The following PTPRG variants were observed in gnomAD, a reference collection of about 807,000 sequenced individuals.
PTPRG encodes the protein protein tyrosine phosphatase receptor type G.
PTPRG carries 102 observed loss-of-function variants against 165.3 expected under a neutral mutation model. The observed-to-expected ratio is 0.62, with a 90% confidence interval of 0.53 to 0.73. PTPRG has a LOEUF of 0.73. Ranked by LOEUF, PTPRG falls within the 30% of genes least tolerant of loss-of-function variation. The pLI, the probability that PTPRG is intolerant of heterozygous loss-of-function variation, is 0.00. For synonymous variants in PTPRG, 675 were observed against 669.5 expected, an observed-to-expected ratio of 1.01 and a Z score of -0.13; for missense variants, 1,866 against 1,861.4, an observed-to-expected ratio of 1.00 and a Z score of -0.05.
chr3:62,246,068 C>G (rs1200551638), intron 15 of PTPRG, among the ~76,000 whole-genome samples: 2 of 152,026 alleles, frequency 1.3e-5, no homozygotes, highest in Non-Finnish European at 2.9e-5. Flanking sequence ...GTCTTTTTCC[C>G]TTTTAAATAT....
At chr3:62,160,457 C>T (rs935553654) in intron 7 of PTPRG, among the ~76,000 whole-genome samples, 1 of 152,258 alleles carries the variant, frequency 6.6e-6, no homozygotes, top group Non-Finnish European at 1.5e-5. Flanking sequence ...CTCTAAACAT[C>T]TTCTGAAAAT....
chr3:61,679,493 C>G (rs1359733139), intron 1 of PTPRG, among the ~76,000 whole-genome samples: 1 of 152,102 alleles, frequency 6.6e-6, no homozygotes, highest in African/African-American at 2.4e-5. Context: ...CATTAGATTC[C>G]AGTGAATAAG....
At chr3:61,939,926 G>C (rs1333022714) in intron 2 of PTPRG, among the ~76,000 whole-genome samples, 1 of 57,390 alleles carries the variant, frequency 1.7e-5, no homozygotes, top group Non-Finnish European at 3.3e-5. Context: ...TTACTGACTT[G>C]TCTTTTTTTT....
rs541930748 is a variant in PTPRG, at chr3:61,622,690, T to G, written c.85+60318T>G. On this transcript the variant is annotated intron_variant, in intron 1 of 29. Coordinates refer to ENST00000474889, the MANE Select transcript of PTPRG (RefSeq NM_002841.4). ...AACAAGGTAAAACTTTTCGTGTCTT[T>G]TGGAATCTGTTTTCTGGTTTTGTGC... 4.8e-4 allele frequency among the ~76,000 whole-genome samples: 73 copies of G among 152,312 alleles called. 5 individuals are homozygous for G. The South Asian group carries it at 0.015, about 32-fold the overall frequency.
At chr3:61,978,424 C>A (rs536354871) in intron 2 of PTPRG, among the ~76,000 whole-genome samples, 12 of 152,212 alleles carry the variant, frequency 7.9e-5, no homozygotes, top group African/African-American at 2.4e-4. Context: ...ACATTTAAAT[C>A]TTGGATTCAT....
At chr3:61,940,491 T>C (rs1344114094) in intron 2 of PTPRG, among the ~76,000 whole-genome samples, 1 of 152,124 alleles carries the variant, frequency 6.6e-6, no homozygotes, top group Non-Finnish European at 1.5e-5. Context: ...TCTCCTTCAC[T>C]GATTCCTCCT....
rs559824408 is a variant in PTPRG, at chr3:61,660,175, A to T, written c.86-88703A>T. 7.2e-5 allele frequency among the ~76,000 whole-genome samples: 11 copies of T among 152,334 alleles called. No individual in the cohort carries two copies. In the South Asian group the frequency reaches 1.2e-3, roughly 17 times the overall value. ...GGGAGGTAGAGGTTGTAGTGAGGTC[A>T]GATCATGCCACTGCACTCCAGCCTG... On this transcript the variant is annotated intron_variant, in intron 1 of 29. Coordinates refer to ENST00000474889, the MANE Select transcript of PTPRG (RefSeq NM_002841.4).
intron 8 of PTPRG, among the ~76,000 whole-genome samples, chr3:62,187,089 G>A (rs890170382): frequency 3.3e-4 from 50 of 152,266 alleles, no homozygotes; most frequent in African/African-American, 1.2e-3. Context: ...CACTGTCTTA[G>A]ATGCAAGGTA....
intron 2 of PTPRG, among the ~76,000 whole-genome samples, chr3:61,942,149 C>T (rs2039647295): frequency 1.4e-5 from 2 of 141,696 alleles, no homozygotes; most frequent in African/African-American, 5.4e-5. Context: ...TAGGGCGAGA[C>T]TCTGTCTAAA....
At chr3:62,170,094 A>T (rs141688346) in intron 8 of PTPRG, among the ~76,000 whole-genome samples, 44 of 152,262 alleles carry the variant, frequency 2.9e-4, no homozygotes, top group African/African-American at 1.0e-3. Context: ...CCCTCAAGAA[A>T]TGCTTGAGAT....
chr3:61,582,728 A>AT (rs1471860114), intron 1 of PTPRG, among the ~76,000 whole-genome samples: 2 of 152,154 alleles, frequency 1.3e-5, no homozygotes, highest in African/African-American at 4.8e-5. Flanking sequence ...GGACGTTATG[A>AT]TTTTTAACTA....
At chr3:62,144,751 T>C (rs1042684011) in intron 6 of PTPRG, among the ~76,000 whole-genome samples, 1 of 152,292 alleles carries the variant, frequency 6.6e-6, no homozygotes, top group South Asian at 2.1e-4. Flanking sequence ...CCACCATAGA[T>C]GTGAGCTATT....
At chr3:62,098,535 C>T (rs1702188853) in intron 5 of PTPRG, among the ~76,000 whole-genome samples, 1 of 152,046 alleles carries the variant, frequency 6.6e-6, no homozygotes, top group Non-Finnish European at 1.5e-5. Flanking sequence ...CACCCTCCAC[C>T]TTGGCCCCAG....
intron 2 of PTPRG, among the ~76,000 whole-genome samples, chr3:61,798,634 T>G (rs1481545501): frequency 2.0e-5 from 3 of 151,948 alleles, no homozygotes; most frequent in Admixed American, 1.3e-4. Context: ...TTTTTTTTTT[T>G]TTTTAAACCC....
At chr3:62,184,693 A>G (rs539929586) in intron 8 of PTPRG, among the ~76,000 whole-genome samples, 61 of 152,286 alleles carry the variant, frequency 4.0e-4, no homozygotes, top group African/African-American at 1.2e-3. Flanking sequence ...GCTTAAGCCA[A>G]GCTGTTCCCT....
At chr3:62,165,579 A>T (rs182720546) in intron 7 of PTPRG, among the ~76,000 whole-genome samples, 1 of 138,354 alleles carries the variant, frequency 7.2e-6, no homozygotes, top group Non-Finnish European at 1.5e-5. Context: ...TAGAGACACT[A>T]TGAGTTTTTA....
intron 2 of PTPRG, among the ~76,000 whole-genome samples, chr3:61,939,892 G>A (rs2039571177): frequency 7.1e-6 from 1 of 141,260 alleles, no homozygotes; most frequent in Non-Finnish European, 1.5e-5. Context: ...AAGAAGTATT[G>A]GTGGGGTCCA....
chr3:61,725,292 T>C (rs571738158), intron 1 of PTPRG, among the ~76,000 whole-genome samples: 11 of 152,248 alleles, frequency 7.2e-5, no homozygotes, highest in Middle Eastern at 3.4e-3. Flanking sequence ...AATTTTTGTA[T>C]TTTTAGTAGA....
intron 5 of PTPRG, among the ~76,000 whole-genome samples, chr3:62,093,332 C>A (rs1702005334): frequency 1.3e-5 from 2 of 152,198 alleles, no homozygotes; most frequent in South Asian, 4.1e-4. Context: ...TCATGATCCT[C>A]CCGCCCTCTG....
Sources: allele counts gnomAD v4.1 joint callset (sites outside exome capture counted in the v4.1 genomes callset), GRCh38; gene constraint gnomAD v4.1.1; transcripts MANE v1.5; gene names NCBI Gene and HGNC (gene_info 2026-07-23, HGNC 2026-07-21).